The following FHIT variants were observed in gnomAD, a reference collection of about 807,000 sequenced individuals.
FHIT encodes bis(5'-adenosyl)-triphosphatase.
FHIT carries 19 observed loss-of-function variants against 17.9 expected under a neutral mutation model. The ratio of observed to expected loss-of-function variants is 1.06; its 90% CI spans 0.74 to 1.56. The LOEUF (loss-of-function observed/expected upper bound fraction) is 1.56. Ranked by LOEUF, FHIT falls within the 40% of genes most tolerant of loss-of-function variation. The pLI is 0.00. For missense variants in FHIT, 248 were observed against 189.2 expected, an observed-to-expected ratio of 1.31 and a Z score of -1.82; for synonymous variants, 81 against 69.7, an observed-to-expected ratio of 1.16 and a Z score of -0.81.
chr3:59,917,293 C>G (rs1359202504), intron 8 of FHIT, among the ~76,000 whole-genome samples: 1 of 152,204 alleles, frequency 6.6e-6, no homozygotes, highest in Non-Finnish European at 1.5e-5. Flanking sequence ...CTTCCTTCAT[C>G]AGTAATGGGT....
chr3:60,487,631 T>C (rs1274809189), intron 5 of FHIT, among the ~76,000 whole-genome samples: 1 of 152,228 alleles, frequency 6.6e-6, no homozygotes. Flanking sequence ...AATTACTCCG[T>C]GCTTGGAGCT....
At chr3:60,824,747 T>A (rs575631548) in intron 3 of FHIT, among the ~76,000 whole-genome samples, 2 of 152,206 alleles carry the variant, frequency 1.3e-5, no homozygotes, top group South Asian at 2.1e-4. Flanking sequence ...TCTCGAGAGA[T>A]CTGATGGTTT....
At chr3:60,746,935 A>T (rs2042368015) in intron 4 of FHIT, among the ~76,000 whole-genome samples, 1 of 152,156 alleles carries the variant, frequency 6.6e-6, no homozygotes, top group African/African-American at 2.4e-5. Context: ...AACCATGTAC[A>T]TTCACTATTT....
At chr3:60,051,513 G>A (rs1701879202) in intron 5 of FHIT, among the ~76,000 whole-genome samples, 1 of 152,018 alleles carries the variant, frequency 6.6e-6, no homozygotes, top group Non-Finnish European at 1.5e-5. Context: ...CAGAGTGGAA[G>A]TACATTTCCG....
chr3:60,152,137 G>A (rs1181403591), intron 5 of FHIT, among the ~76,000 whole-genome samples: 2 of 152,240 alleles, frequency 1.3e-5, no homozygotes, highest in African/African-American at 4.8e-5. Context: ...GGCTAAAGGG[G>A]CACCTGTTCT....
intron 3 of FHIT, among the ~76,000 whole-genome samples, chr3:61,040,658 C>G (rs996268066): frequency 2.0e-5 from 3 of 152,124 alleles, no homozygotes; most frequent in Admixed American, 6.6e-5. Flanking sequence ...TACACACGGC[C>G]CAAGGGTAGT....
At chr3:60,138,597 A>C (rs1699911771) in intron 5 of FHIT, among the ~76,000 whole-genome samples, 1 of 151,940 alleles carries the variant, frequency 6.6e-6, no homozygotes. Flanking sequence ...CCTCATGACA[A>C]CCTCATAAGT....
At chr3:61,088,207 A>G (rs2035365169) in intron 2 of FHIT, among the ~76,000 whole-genome samples, 1 of 152,134 alleles carries the variant, frequency 6.6e-6, no homozygotes, top group Admixed American at 6.5e-5. Context: ...ACTGCCCAGA[A>G]AAGAGTTTTG....
intron 8 of FHIT, among the ~76,000 whole-genome samples, chr3:59,855,597 G>A (rs182259361): frequency 6.6e-6 from 1 of 151,994 alleles, no homozygotes; most frequent in Non-Finnish European, 1.5e-5. Flanking sequence ...ATAGAAGATA[G>A]CCTCAATGTT....
chr3:60,932,620 T>G lies in FHIT; in HGVS notation c.-111+109427A>C, dbSNP rs557234510. ...TCTGTCAGTGGCCCTTTTTCCCTAA[T>G]TCCTAGCTAGGGCTCTCATTGGATT... On this transcript the variant is annotated intron_variant, in intron 3 of 9. Coordinates refer to ENST00000492590, the MANE Select transcript of FHIT (RefSeq NM_002012.4). 5.9e-5 allele frequency among the ~76,000 whole-genome samples: 9 copies of G among 152,308 alleles called. No individual in the cohort carries two copies. In the South Asian group the frequency reaches 1.9e-3, roughly 32 times the overall value.
intron 5 of FHIT, among the ~76,000 whole-genome samples, chr3:60,427,842 G>GC (rs965063515): frequency 4.0e-5 from 6 of 151,742 alleles, no homozygotes; most frequent in Non-Finnish European, 8.8e-5. Flanking sequence ...CCTTATTATT[G>GC]CCCCATCTAC....
At chr3:60,735,884 G>A (rs2042123721) in intron 4 of FHIT, among the ~76,000 whole-genome samples, 1 of 152,204 alleles carries the variant, frequency 6.6e-6, no homozygotes, top group Non-Finnish European at 1.5e-5. Flanking sequence ...ATAGCTAAGT[G>A]AGAGAACTTA....
At chr3:60,258,250 A>T (rs2107604826) in intron 5 of FHIT, among the ~76,000 whole-genome samples, 1 of 152,272 alleles carries the variant, frequency 6.6e-6, no homozygotes, top group South Asian at 2.1e-4. Flanking sequence ...ACTCTGTGAC[A>T]ACGTTCAACT....
chr3:60,533,123 A>G, intron 5 of FHIT, among the ~76,000 whole-genome samples: 1 of 151,982 alleles, frequency 6.6e-6, no homozygotes, highest in East Asian at 1.9e-4. Context: ...CTGCTTTTAG[A>G]TTTAACTCCC....
chr3:60,121,634 A>C (rs1705253078), intron 5 of FHIT, among the ~76,000 whole-genome samples: 1 of 151,988 alleles, frequency 6.6e-6, no homozygotes, highest in Non-Finnish European at 1.5e-5. Context: ...CAGTGAGCTG[A>C]GATCATGCCA....
chr3:59,904,770 G>A (rs1037049611), intron 8 of FHIT, among the ~76,000 whole-genome samples: 1 of 152,216 alleles, frequency 6.6e-6, no homozygotes, highest in Admixed American at 6.5e-5. Context: ...AGCGAAGAGG[G>A]GATATGGATT....
chr3:60,698,700 T>C (rs1225177906), intron 4 of FHIT, among the ~76,000 whole-genome samples: 1 of 152,074 alleles, frequency 6.6e-6, no homozygotes, highest in Non-Finnish European at 1.5e-5. Flanking sequence ...TCACTGAGTC[T>C]ATATATATTT....
At chr3:60,944,008 T>C (rs1044257702) in intron 3 of FHIT, among the ~76,000 whole-genome samples, 7 of 152,156 alleles carry the variant, frequency 4.6e-5, no homozygotes, top group Admixed American at 4.6e-4. Flanking sequence ...CTCTTCTACC[T>C]TTCTTCTTCC....
chr3:60,202,435 G>T (rs1702957253), intron 5 of FHIT, among the ~76,000 whole-genome samples: 1 of 152,150 alleles, frequency 6.6e-6, no homozygotes, highest in African/African-American at 2.4e-5. Context: ...AGAGAAAGGG[G>T]GTACTGCTGC....
Sources: allele counts gnomAD v4.1 joint callset (sites outside exome capture counted in the v4.1 genomes callset), GRCh38; gene constraint gnomAD v4.1.1; transcripts MANE v1.5; gene names NCBI Gene and HGNC (gene_info 2026-07-23, HGNC 2026-07-21).